GLIS3: variants seen among roughly 807,000 people sequenced by gnomAD.
GLIS3 encodes the protein zinc finger protein GLIS3.
Under a neutral mutation model 78.6 loss-of-function variants are expected in GLIS3, and 53 were observed. That is an observed-to-expected ratio of 0.67 (90% CI 0.54 to 0.85). The LOEUF is 0.85. Ranked by LOEUF, GLIS3 falls within the 40% of genes least tolerant of loss-of-function variation. The pLI is 0.00. For synonymous variants in GLIS3, 684 were observed against 509.9 expected (o/e 1.34, Z -4.60); for missense variants, 1,703 against 1,231.1 (o/e 1.38, Z -5.74).
chr9:3,870,475 A>T (rs1388590715), intron 8 of GLIS3, among the ~76,000 whole-genome samples: 1 of 152,232 alleles, frequency 6.6e-6, no homozygotes, highest in Non-Finnish European at 1.5e-5. Context: ...AGACTGGGCA[A>T]TTTACAAAAG....
At chr9:4,419,473 A>G in the GLIS3 span, among the ~76,000 whole-genome samples, 1 of 152,112 alleles carries the variant, frequency 6.6e-6, no homozygotes, top group Non-Finnish European at 1.5e-5. Flanking sequence ...GAGAGAGGGA[A>G]GGGAGGTGCT....
chr9:4,218,144 C>T (rs1029140975), intron 2 of GLIS3, among the ~76,000 whole-genome samples: 1 of 152,222 alleles, frequency 6.6e-6, no homozygotes, highest in Non-Finnish European at 1.5e-5. Context: ...CACATGCCAT[C>T]CTTAATTTGT....
the GLIS3 span, among the ~76,000 whole-genome samples, chr9:4,373,874 G>A: frequency 1.3e-5 from 2 of 152,124 alleles, no homozygotes; most frequent in East Asian, 3.9e-4. Flanking sequence ...TACCATGTTG[G>A]CTAGGCTGGT....
chr9:4,430,772 G>C, the GLIS3 span, among the ~76,000 whole-genome samples: 4 of 152,162 alleles, frequency 2.6e-5, no homozygotes, highest in Admixed American at 6.5e-5. Flanking sequence ...AAGATAAGCA[G>C]ATAAATGCTG....
At chr9:4,178,738 G>A (rs1302547381) in intron 2 of GLIS3, among the ~76,000 whole-genome samples, 1 of 152,162 alleles carries the variant, frequency 6.6e-6, no homozygotes, top group South Asian at 2.1e-4. Flanking sequence ...ATGTATATAG[G>A]TTGATCAGAA....
chr9:4,375,346 G>A, the GLIS3 span, among the ~76,000 whole-genome samples: 3 of 152,122 alleles, frequency 2.0e-5, no homozygotes, highest in Admixed American at 6.5e-5. Flanking sequence ...TTGAGAGTGT[G>A]GGTACAGAGA....
At chr9:4,134,096 AT>A (rs912877354) in intron 2 of GLIS3, among the ~76,000 whole-genome samples, 2 of 152,108 alleles carry the variant, frequency 1.3e-5, no homozygotes, top group African/African-American at 4.8e-5. Context: ...ACTGAAAGGA[AT>A]TTTTTTTAAA....
chr9:3,884,062 A>G (rs1030814223), intron 7 of GLIS3, among the ~76,000 whole-genome samples: 2 of 152,198 alleles, frequency 1.3e-5, no homozygotes, highest in African/African-American at 4.8e-5. Context: ...CTGTTGATCT[A>G]TGTGGTTCTC....
intron 2 of GLIS3, among the ~76,000 whole-genome samples, chr9:4,280,815 A>G (rs1466076803): frequency 6.6e-6 from 1 of 151,974 alleles, no homozygotes; most frequent in Non-Finnish European, 1.5e-5. Context: ...GCAATCTAGA[A>G]GAAGACTAAA....
the GLIS3 span, among the ~76,000 whole-genome samples, chr9:4,429,975 G>T: frequency 6.6e-6 from 1 of 152,068 alleles, no homozygotes; most frequent in Admixed American, 6.6e-5. Flanking sequence ...CATAATGGTA[G>T]ATCTAAGATG....
At chr9:4,417,410 A>C in the GLIS3 span, among the ~76,000 whole-genome samples, 2 of 152,218 alleles carry the variant, frequency 1.3e-5, no homozygotes, top group Admixed American at 6.5e-5. Flanking sequence ...TAAATCAATC[A>C]TATTTTGTAT....
chr9:4,255,942 C>G (rs1824893283), intron 2 of GLIS3, among the ~76,000 whole-genome samples: 1 of 152,102 alleles, frequency 6.6e-6, no homozygotes, highest in Admixed American at 6.5e-5. Context: ...ATGGCGAATG[C>G]TATGTATATA....
the GLIS3 span, among the ~76,000 whole-genome samples, chr9:4,433,329 G>A: frequency 1.3e-5 from 2 of 152,120 alleles, no homozygotes; most frequent in African/African-American, 4.8e-5. Context: ...CTACTTGGGA[G>A]TCTGAGGTGG....
At chr9:4,278,355 G>A (rs544708009) in intron 2 of GLIS3, among the ~76,000 whole-genome samples, 12 of 152,254 alleles carry the variant, frequency 7.9e-5, no homozygotes, top group African/African-American at 2.6e-4. Flanking sequence ...ATGATTCCAG[G>A]TATGGGGCAC....
At chr9:4,417,406 A>G in the GLIS3 span, among the ~76,000 whole-genome samples, 80,265 of 152,102 alleles carry the variant, frequency 0.53, 23,836 homozygotes, top group South Asian at 0.7. Flanking sequence ...AAGATAAATC[A>G]ATCATATTTT....
chr9:4,118,280 G>T lies in GLIS3; in HGVS notation c.1198C>A (p.His400Asn). 6.3e-7 allele frequency: 1 copy of T among 1,585,152 alleles called. No individual in the cohort carries two copies. ...LEHERMQQLE[H>N]GGLQPGLVNH... ...ACCAGGCCTGGCTGCAGGCCGCCGT[G>T]CTCCAGCTGTTGCATGCGCTCGTGC... The change falls in exon 4 of 11, where the codon CAC becomes AAC. Residue 400 changes from histidine to asparagine, a missense_variant. Physicochemically the swap from His to Asn is moderately conservative, Grantham distance 68. Transcript: ENST00000381971. The surrounding 1 kb of genome is among the most constrained non-coding windows in gnomAD (Gnocchi z 4.7).
chr9:4,490,460 C>A, the GLIS3 span: 1 of 321,742 alleles, frequency 3.1e-6, no homozygotes, highest in East Asian at 5.5e-5. Flanking sequence ...GCCGGGCGCG[C>A]CTGCCACGCA....
chr9:4,181,382 G>C (rs1817311607), intron 2 of GLIS3, among the ~76,000 whole-genome samples: 1 of 152,134 alleles, frequency 6.6e-6, no homozygotes, highest in South Asian at 2.1e-4. Context: ...TCTGAACTCT[G>C]CTTCCCTGCT....
the GLIS3 span, among the ~76,000 whole-genome samples, chr9:4,461,399 G>C: frequency 0.38 from 57,888 of 152,024 alleles, 11,451 homozygotes; most frequent in South Asian, 0.49. Flanking sequence ...CTTAAAATCA[G>C]AGTAAAATGT....
Sources: gnomAD v4.1 joint callset for allele counts (sites outside exome capture counted in the v4.1 genomes callset) on GRCh38, gnomAD v4.1.1 for gene constraint, Gnocchi (gnomAD v3.1) non-coding constraint, MANE v1.5 for transcripts, NCBI Gene and HGNC (gene_info 2026-07-23, HGNC 2026-07-21) for gene names.